The following MACROD2 variants were observed in gnomAD, a reference collection of about 807,000 sequenced individuals.
The protein encoded by MACROD2 is ADP-ribose glycohydrolase MACROD2.
A neutral mutation model predicts 70.4 loss-of-function variants in MACROD2; 36 were observed. The observed-to-expected ratio is 0.51, with a 90% CI of 0.39 to 0.68. The LOEUF (loss-of-function observed/expected upper bound fraction) is 0.68, where lower values mean the gene tolerates loss of function less well. Among genes scored for constraint, MACROD2 ranks in the 30% least tolerant of loss-of-function variants. MACROD2 has a pLI of 0.00. For missense variants in MACROD2, 496 were observed against 538.4 expected, an observed-to-expected ratio of 0.92 and a Z score of 0.78; for synonymous variants, 172 against 178.8, an observed-to-expected ratio of 0.96 and a Z score of 0.30.
In MACROD2 at chr20:15,132,156, T is replaced by C. The variant is rs185627351; in HGVS notation, c.419-97784T>C. Among the ~76,000 whole-genome samples the C allele has an allele frequency of 2.0e-3, 298 of 152,138 alleles. 1 individual carries two copies. Among genetic ancestry groups the C allele is most frequent in the Non-Finnish European group, 3.5e-3 (235 of 67,900 alleles). On this transcript the variant is annotated intron_variant, in intron 5 of 17. Coordinates refer to ENST00000684519, the MANE Select transcript of MACROD2 (RefSeq NM_001351661.2). ...CTCAGTGTATGATAAAAGTTGCAAT[T>C]CACAATGTGACTATAATTGTATAAA...
chr20:14,786,232 G>A (rs962760233), intron 5 of MACROD2, among the ~76,000 whole-genome samples: 2 of 151,516 alleles, frequency 1.3e-5, no homozygotes, highest in African/African-American at 4.9e-5. Context: ...GAGAGAGAGA[G>A]AGAGAATATG....
intron 4 of MACROD2, among the ~76,000 whole-genome samples, chr20:14,680,466 C>G (rs1446703894): frequency 6.6e-6 from 1 of 152,040 alleles, no homozygotes; most frequent in Non-Finnish European, 1.5e-5. Flanking sequence ...TATCATAGAA[C>G]TTAAGAAAAA....
At chr20:15,707,574 A>G (rs2050554290) in intron 8 of MACROD2, among the ~76,000 whole-genome samples, 1 of 152,176 alleles carries the variant, frequency 6.6e-6, no homozygotes, top group African/African-American at 2.4e-5. Flanking sequence ...ACTTGAGTTC[A>G]GGAATTTGAG....
intron 4 of MACROD2, among the ~76,000 whole-genome samples, chr20:14,572,677 T>G (rs1980274872): frequency 6.6e-6 from 1 of 152,000 alleles, no homozygotes; most frequent in South Asian, 2.1e-4. Flanking sequence ...AATCTCAGGA[T>G]AGTGGTTACC....
intron 3 of MACROD2, among the ~76,000 whole-genome samples, chr20:14,178,691 A>G (rs888424064): frequency 2.0e-5 from 3 of 151,848 alleles, no homozygotes; most frequent in African/African-American, 7.3e-5. Context: ...TTTTACACAG[A>G]AAACAAAGTA....
intron 3 of MACROD2, among the ~76,000 whole-genome samples, chr20:14,436,160 AG>A (rs1386494242): frequency 3.9e-5 from 6 of 152,306 alleles, no homozygotes; most frequent in Admixed American, 3.9e-4. Flanking sequence ...GAAAAAAAAA[AG>A]TGCCAAAAGT....
chr20:14,083,217 A>G (rs2148667718), intron 2 of MACROD2, among the ~76,000 whole-genome samples: 1 of 150,732 alleles, frequency 6.6e-6, no homozygotes, highest in East Asian at 2.0e-4. Flanking sequence ...GGATCACCTG[A>G]GGTCAGGAGT....
chr20:15,707,590 C>G (rs2050554492), intron 8 of MACROD2, among the ~76,000 whole-genome samples: 1 of 152,080 alleles, frequency 6.6e-6, no homozygotes. Context: ...TTGAGACCAG[C>G]CTGGCCAACA....
intron 3 of MACROD2, among the ~76,000 whole-genome samples, chr20:14,266,935 A>G (rs1400349590): frequency 3.3e-5 from 5 of 152,154 alleles, no homozygotes; most frequent in Non-Finnish European, 7.4e-5. Context: ...TTTAGCATGG[A>G]TAAATACTGG....
chr20:14,137,775 A>G (rs1390242724), intron 3 of MACROD2, among the ~76,000 whole-genome samples: 2 of 152,212 alleles, frequency 1.3e-5, no homozygotes, highest in Non-Finnish European at 2.9e-5. Flanking sequence ...AGTAAGAATA[A>G]ACAAGTGGGA....
chr20:15,093,876 G>GA (rs2123171870), intron 5 of MACROD2, among the ~76,000 whole-genome samples: 1 of 152,212 alleles, frequency 6.6e-6, no homozygotes, highest in South Asian at 2.1e-4. Context: ...AGGAGAAAAG[G>GA]AAAAAACTTT....
chr20:15,901,552 C>G (rs889228940), intron 10 of MACROD2, among the ~76,000 whole-genome samples: 6 of 152,098 alleles, frequency 3.9e-5, no homozygotes, highest in Non-Finnish European at 5.9e-5. Flanking sequence ...TTTGTGTTTT[C>G]ACATTTCATC....
At chr20:14,362,836 T>C (rs1246973922) in intron 3 of MACROD2, among the ~76,000 whole-genome samples, 3 of 152,006 alleles carry the variant, frequency 2.0e-5, no homozygotes, top group African/African-American at 4.8e-5. Flanking sequence ...CTTAAGAGCA[T>C]AGATAATAGT....
At chr20:15,913,216 A>G (rs948497237) in intron 10 of MACROD2, among the ~76,000 whole-genome samples, 6 of 151,444 alleles carry the variant, frequency 4.0e-5, no homozygotes, top group African/African-American at 1.5e-4. Context: ...TCTTCTCTTC[A>G]TAGAAAAAAA....
chr20:14,261,107 G>A (rs1312034633), intron 3 of MACROD2, among the ~76,000 whole-genome samples: 4 of 152,194 alleles, frequency 2.6e-5, no homozygotes, highest in Non-Finnish European at 2.9e-5. Flanking sequence ...GTGAAAACAA[G>A]TATAATTCCT....
rs560056801 is a variant in MACROD2 at position 14,437,032 on chromosome 20, G to A, written c.272-56447G>A. Among the ~76,000 whole-genome samples, 75 of 152,194 alleles carry A rather than the reference G, an allele frequency of 4.9e-4. 1 individual carries two copies. Among genetic ancestry groups the A allele is most frequent in the East Asian group, 5.8e-4 (3 of 5,176 alleles). ...TGAAACACACAGAGGTTTCAATTTGGCAGGACCCAAGGTTTAAAATTGTAG... is the reference window on the plus strand; with the variant it reads ...TGAAACACACAGAGGTTTCAATTTGACAGGACCCAAGGTTTAAAATTGTAG... On this transcript the variant is annotated intron_variant, in intron 3 of 17. Coordinates refer to ENST00000684519, the MANE Select transcript of MACROD2 (RefSeq NM_001351661.2).
intron 5 of MACROD2, among the ~76,000 whole-genome samples, chr20:15,143,366 T>G (rs1382032072): frequency 1.3e-5 from 2 of 152,196 alleles, no homozygotes; most frequent in East Asian, 3.9e-4. Flanking sequence ...TTGTTTGATT[T>G]TTTTCTTGTA....
At chr20:14,595,842 C>G (rs752365315) in intron 4 of MACROD2, among the ~76,000 whole-genome samples, 1 of 152,030 alleles carries the variant, frequency 6.6e-6, no homozygotes, top group African/African-American at 2.4e-5. Context: ...TATACCGGAA[C>G]CAAATTAAAT....
chr20:15,729,994 AC>A (rs1290847891), intron 8 of MACROD2, among the ~76,000 whole-genome samples: 1 of 151,202 alleles, frequency 6.6e-6, no homozygotes, highest in African/African-American at 2.4e-5. Context: ...CGCCCCACTA[AC>A]TATTGTATTT....
Sources: allele counts gnomAD v4.1 joint callset (sites outside exome capture counted in the v4.1 genomes callset), GRCh38; gene constraint gnomAD v4.1.1; transcripts MANE v1.5; gene names NCBI Gene and HGNC (gene_info 2026-07-23, HGNC 2026-07-21).